Variants in PLCB1 observed in about 807,000 individuals in gnomAD.
PLCB1 encodes the protein phospholipase C beta 1.
Under a neutral mutation model 161.8 loss-of-function variants are expected in PLCB1, and 46 were observed. That is an observed-to-expected ratio of 0.28 (90% confidence interval 0.22 to 0.36). PLCB1 has a LOEUF of 0.36. Among genes scored for constraint, PLCB1 ranks in the 10% least tolerant of loss-of-function variants. The probability of loss-of-function intolerance (pLI) is 1.00; values close to 1 mark genes in which losing one functional copy is unlikely to be tolerated. For synonymous variants in PLCB1, 517 were observed against 503.7 expected (o/e 1.03, Z -0.35); for missense variants, 1,016 against 1,472.5 (o/e 0.69, Z 5.07).
chr20:8,837,259 T>A (rs1986323707), intron 31 of PLCB1, among the ~76,000 whole-genome samples: 1 of 152,076 alleles, frequency 6.6e-6, no homozygotes, highest in Non-Finnish European at 1.5e-5. Flanking sequence ...TACATTCAAG[T>A]CCAAAGAGGC....
intron 3 of PLCB1, among the ~76,000 whole-genome samples, chr20:8,509,758 A>G (rs1983795765): frequency 6.6e-6 from 1 of 151,978 alleles, no homozygotes; most frequent in Non-Finnish European, 1.5e-5. Flanking sequence ...AGATAGATAG[A>G]TAGATAGATA....
intron 31 of PLCB1, among the ~76,000 whole-genome samples, chr20:8,852,887 G>A (rs2327115): frequency 0.015 from 2,226 of 152,308 alleles, 53 homozygotes; most frequent in African/African-American, 0.051. Context: ...GTCATGAAGT[G>A]ACCTCTGATT....
chr20:8,737,010 G>T lies in PLCB1; in HGVS notation c.2044-18G>T. On this transcript the variant is annotated intron_variant, in intron 19 of 31. Transcript: ENST00000338037. ...TATCAAAATTCCTTATGGATTGATTGATTTATTGATTTTCTAGATTATTTC... is the reference window on the plus strand; with the variant it reads ...TATCAAAATTCCTTATGGATTGATTTATTTATTGATTTTCTAGATTATTTC... The T allele has an allele frequency of 1.3e-6, 2 of 1,590,982 alleles. No individual in the cohort carries two copies. Among genetic ancestry groups the T allele is most frequent in the South Asian group, 1.1e-5 (1 of 90,160 alleles).
intron 2 of PLCB1, among the ~76,000 whole-genome samples, chr20:8,209,207 T>C (rs1978688953): frequency 6.9e-6 from 1 of 144,202 alleles, no homozygotes; most frequent in Admixed American, 6.7e-5. Flanking sequence ...TTTTGTTTTT[T>C]TTTTCTAAGT....
At chr20:8,709,360 G>C (rs1198819815) in intron 12 of PLCB1, among the ~76,000 whole-genome samples, 1 of 152,200 alleles carries the variant, frequency 6.6e-6, no homozygotes, top group East Asian at 1.9e-4. Context: ...TTACCAAAGA[G>C]AGACACATTT....
chr20:8,190,412 C>T (rs907964085), intron 2 of PLCB1, among the ~76,000 whole-genome samples: 1 of 152,052 alleles, frequency 6.6e-6, no homozygotes, highest in Non-Finnish European at 1.5e-5. Context: ...CCTAAATACC[C>T]TAGTGTGATT....
intron 7 of PLCB1, among the ~76,000 whole-genome samples, chr20:8,650,485 T>C (rs1989286574): frequency 1.3e-5 from 2 of 152,196 alleles, no homozygotes; most frequent in South Asian, 4.1e-4. Flanking sequence ...CCTGAGCTGC[T>C]ACTCTGAGCA....
intron 3 of PLCB1, among the ~76,000 whole-genome samples, chr20:8,392,020 A>G (rs1987622424): frequency 2.0e-5 from 3 of 151,688 alleles, no homozygotes; most frequent in Non-Finnish European, 4.4e-5. Flanking sequence ...CAGCTTTAGG[A>G]CTCATAATAA....
At chr20:8,380,080 G>C (rs1987213890) in intron 3 of PLCB1, among the ~76,000 whole-genome samples, 1 of 152,028 alleles carries the variant, frequency 6.6e-6, no homozygotes, top group African/African-American at 2.4e-5. Context: ...TTTCTTCCAG[G>C]GATTTTTATG....
chr20:8,717,787 A>G lies in PLCB1; in HGVS notation c.1452A>G (p.Glu484=). The change falls in exon 14 of 32, where the codon GAA becomes GAG. Residue 484 remains glutamate (E), a synonymous_variant. Transcript: ENST00000338037. ...SEGSGKKKLS[E]QASNTYSDSS... is the part of the protein sequence containing the mutation. ...GAAGCGGCAAAAAGAAGCTCTCAGA[A>G]CAAGCCTCCAACACCTACAGTGACT... 3.7e-6 allele frequency: 6 copies of G among 1,614,110 alleles called. No homozygotes were observed. The highest frequency in any genetic ancestry group is 5.1e-6 in the Non-Finnish European group (6 of 1,179,964).
At position 8,702,064 on chromosome 20, in the gene PLCB1, G is replaced by A. The variant is rs182372527; in HGVS notation, c.1167+4281G>A. ...TATGTGTGACCTGGAAAGCTTCTGT[G>A]TGATAGATCCCAAAAGCAAGAGATC... On this transcript the variant is annotated intron_variant, in intron 11 of 31. Transcript: ENST00000338037. Among the ~76,000 whole-genome samples, 419 of 152,282 alleles carry A rather than the reference G, an allele frequency of 2.8e-3. 5 individuals carry two copies. Among genetic ancestry groups the A allele is most frequent in the Admixed American group, 0.023 (358 of 15,294 alleles).
At chr20:8,360,613 A>C (rs562140166) in intron 2 of PLCB1, among the ~76,000 whole-genome samples, 51 of 152,306 alleles carry the variant, frequency 3.3e-4, no homozygotes, top group Non-Finnish European at 6.8e-4. Flanking sequence ...TGTTCTTCTC[A>C]GGAAAATTCA....
intron 2 of PLCB1, among the ~76,000 whole-genome samples, chr20:8,333,929 G>A (rs1008635549): frequency 2.0e-5 from 3 of 152,226 alleles, no homozygotes; most frequent in South Asian, 4.1e-4. Context: ...TTAGCTTTGG[G>A]CCTGGCGCGG....
At chr20:8,777,158 A>G (rs993455264) in intron 27 of PLCB1, among the ~76,000 whole-genome samples, 5 of 152,132 alleles carry the variant, frequency 3.3e-5, no homozygotes, top group Admixed American at 2.6e-4. Flanking sequence ...GGTGGGAGAC[A>G]GATCTTCTGG....
At chr20:8,650,589 G>A (rs1989290671) in intron 7 of PLCB1, among the ~76,000 whole-genome samples, 1 of 152,146 alleles carries the variant, frequency 6.6e-6, no homozygotes. Flanking sequence ...CCTACCACTG[G>A]CTCGTCCTTG....
chr20:8,797,930 A>C (rs964396469), intron 31 of PLCB1, among the ~76,000 whole-genome samples: 1 of 152,222 alleles, frequency 6.6e-6, no homozygotes, highest in East Asian at 1.9e-4. Flanking sequence ...ATGGTGGCTT[A>C]TGTCTGTAAT....
intron 3 of PLCB1, among the ~76,000 whole-genome samples, chr20:8,538,880 G>T (rs185834856): frequency 2.0e-3 from 294 of 148,744 alleles, no homozygotes; most frequent in African/African-American, 6.8e-3. Context: ...TGCAACCTCT[G>T]CCTCCCGGGT....
chr20:8,507,394 T>C (rs1484511332), intron 3 of PLCB1, among the ~76,000 whole-genome samples: 1 of 152,216 alleles, frequency 6.6e-6, no homozygotes, highest in Non-Finnish European at 1.5e-5. Context: ...ACAAATTGTA[T>C]GGTCACGTTG....
At chr20:8,474,670 A>G (rs1982196159) in intron 3 of PLCB1, among the ~76,000 whole-genome samples, 1 of 152,146 alleles carries the variant, frequency 6.6e-6, no homozygotes, top group Non-Finnish European at 1.5e-5. Flanking sequence ...CCAGAAGTGT[A>G]ATGCTGGGTG....
Sources: gnomAD v4.1 joint callset for allele counts (sites outside exome capture counted in the v4.1 genomes callset) on GRCh38, gnomAD v4.1.1 for gene constraint, MANE v1.5 for transcripts, NCBI Gene and HGNC (gene_info 2026-07-23, HGNC 2026-07-21) for gene names.